The following VPS72 variants were observed in gnomAD, a reference collection of about 807,000 sequenced individuals.
VPS72 encodes the protein vacuolar protein sorting 72 homolog.
In VPS72, 27 loss-of-function variants were observed where a neutral mutation model predicts 38.9. The ratio of observed to expected loss-of-function variants is 0.69; its 90% CI spans 0.51 to 0.96. The LOEUF (loss-of-function observed/expected upper bound fraction) is 0.96, where lower values mean the gene tolerates loss of function less well. VPS72 is among the 40% of genes least tolerant of loss of function. The pLI, the probability that VPS72 is intolerant of heterozygous loss-of-function variation, is 0.00. For synonymous variants in VPS72, 173 were observed against 186.3 expected (o/e 0.93, Z 0.58); for missense variants, 360 against 479.5 (o/e 0.75, Z 2.33).
chr1:151,183,720 C>T (rs1055578714), intron 4 of VPS72, among the ~76,000 whole-genome samples: 2 of 152,054 alleles, frequency 1.3e-5, no homozygotes, highest in Non-Finnish European at 2.9e-5. Flanking sequence ...CCTTGGCCTC[C>T]CAAAGTGCCG....
chr1:151,183,753 C>T (rs1003913305), intron 4 of VPS72, among the ~76,000 whole-genome samples: 1 of 152,048 alleles, frequency 6.6e-6, no homozygotes, highest in Non-Finnish European at 1.5e-5. Flanking sequence ...TGAGCCACTG[C>T]GCTTGGCCCA....
intron 1 of VPS72, among the ~76,000 whole-genome samples, chr1:151,189,399 C>A (rs143531012): frequency 0.013 from 2,018 of 152,316 alleles, 21 homozygotes; most frequent in Non-Finnish European, 0.019. Flanking sequence ...TAACTTTATA[C>A]AGTTTACAAT....
intron 4 of VPS72, among the ~76,000 whole-genome samples, chr1:151,180,459 G>A (rs1684214412): frequency 6.6e-6 from 1 of 151,366 alleles, no homozygotes; most frequent in Admixed American, 6.6e-5. Flanking sequence ...TCTTTTTTGA[G>A]ACAGAGTCTT....
At chr1:151,188,900 G>C (rs148734838) in intron 1 of VPS72, among the ~76,000 whole-genome samples, 11 of 151,922 alleles carry the variant, frequency 7.2e-5, no homozygotes, top group African/African-American at 2.7e-4. Context: ...GTACGATCTC[G>C]GCTCACTGCA....
rs771588417 is a variant in VPS72, at chr1:151,190,156, C to CCT, written c.-37_-36dup. The CCT allele has an allele frequency of 3.4e-5, 55 of 1,608,130 alleles. No individual in the cohort carries two copies. In the South Asian group the frequency reaches 3.8e-4, roughly 11 times the overall value. On this transcript the variant is annotated 5_prime_UTR_variant, in exon 1 of 6. Transcript: ENST00000368892. The stretch of plus-strand genomic sequence containing the variant: ...CGAGACTGCGCCGCCACCTGCAGCC[C>CCT]CTCACCAGCTCGGTTTTGGGAGCTC...
At chr1:151,186,986 AAT>A (rs1422351909) in intron 1 of VPS72, among the ~76,000 whole-genome samples, 1 of 152,224 alleles carries the variant, frequency 6.6e-6, no homozygotes, top group Non-Finnish European at 1.5e-5. Flanking sequence ...TACTGAGAGA[AAT>A]ATGTGTCATT....
intron 4 of VPS72, 64 bp downstream of exon 4, chr1:151,184,253 G>T: frequency 6.4e-7 from 1 of 1,572,048 alleles, no homozygotes; most frequent in Non-Finnish European, 8.7e-7. Flanking sequence ...GGTCCTCCAG[G>T]TCTCATGGTT....
intron 2 of VPS72, 63 bp from the exon 3 acceptor site, chr1:151,185,683 C>A (rs1466566728): frequency 1.6e-5 from 26 of 1,608,806 alleles, no homozygotes; most frequent in Middle Eastern, 1.6e-4. Context: ...ATGAGGATCT[C>A]AATGAGAGAA....
intron 4 of VPS72, among the ~76,000 whole-genome samples, chr1:151,183,421 CAAAAAAAA>C (rs769884773): frequency 2.0e-5 from 1 of 50,860 alleles, no homozygotes; most frequent in Non-Finnish European, 3.4e-5. Flanking sequence ...GACTCTGTCT[CAAAAAAAA>C]AAAAAAAAAA....
chr1:151,184,119 A>G (rs587765329), intron 4 of VPS72, among the ~76,000 whole-genome samples, 198 bp downstream of exon 4: 1 of 152,286 alleles, frequency 6.6e-6, no homozygotes, highest in South Asian at 2.1e-4. Context: ...ATTTTACACC[A>G]AAGTACCTTA....
chr1:151,179,837 G>A (rs1221867289), intron 4 of VPS72, among the ~76,000 whole-genome samples: 7 of 152,066 alleles, frequency 4.6e-5, no homozygotes, highest in Non-Finnish European at 8.8e-5. Flanking sequence ...GTTGCGGTGC[G>A]CCAAGATCAT....
intron 4 of VPS72, among the ~76,000 whole-genome samples, chr1:151,181,308 A>C (rs1572092478): frequency 1.4e-5 from 2 of 140,528 alleles, no homozygotes; most frequent in Non-Finnish European, 1.5e-5. Context: ...CACGATCTCC[A>C]CTCACTGCAA....
chr1:151,176,590 C>G lies in VPS72; in HGVS notation c.*54G>C, dbSNP rs955523814. The G allele has an allele frequency of 2.5e-6, 4 of 1,574,802 alleles. No individual in the cohort carries two copies. The highest frequency in any genetic ancestry group is 1.4e-5 in the African/African-American group (1 of 73,688). On this transcript the variant is annotated 3_prime_UTR_variant, in exon 6 of 6. Transcript: ENST00000368892. ...GGAGAAGCAGGGAGAAGAAACGGAACAGCAAGAGCCCCAATCAGGGCAGGA... is the reference window on the plus strand; with the variant it reads ...GGAGAAGCAGGGAGAAGAAACGGAAGAGCAAGAGCCCCAATCAGGGCAGGA...
At chr1:151,186,039 G>A (rs1191640754) in intron 1 of VPS72, 89 bp from the exon 2 acceptor site, 1 of 1,499,912 alleles carries the variant, frequency 6.7e-7, no homozygotes, top group African/African-American at 1.4e-5. Context: ...TTCTTGATAA[G>A]GGCTGCCCTA....
chr1:151,178,282 C>T, intron 4 of VPS72, 137 bp from the exon 5 acceptor site: 8 of 1,213,858 alleles, frequency 6.6e-6, no homozygotes, highest in Non-Finnish European at 8.8e-6. Flanking sequence ...TATGGAAGTC[C>T]CCTAAGGCCG....
intron 4 of VPS72, among the ~76,000 whole-genome samples, chr1:151,179,093 C>T (rs997192108): frequency 2.0e-5 from 3 of 150,276 alleles, no homozygotes; most frequent in South Asian, 2.1e-4. Flanking sequence ...ACCAGCCTGA[C>T]CAACATGGTG....
In VPS72 at chr1:151,184,498, AAG is replaced by A; in HGVS notation, c.386-7_386-6del. Reference sequence around the variant, plus strand: ...ACTGACGCATAGACTTCCGACCTGGAAGAGAGTGAGATAAGAAGAAATCTTTG... The same window carrying A: ...ACTGACGCATAGACTTCCGACCTGGAAGAGTGAGATAAGAAGAAATCTTTG... On this transcript the variant is annotated splice_region_variant and splice_polypyrimidine_tract_variant and intron_variant, in intron 3 of 5. Coordinates refer to ENST00000368892, the MANE Select transcript of VPS72 (RefSeq NM_005997.3). 1 of 1,601,788 alleles carries A rather than the reference AAG, an allele frequency of 6.2e-7. No individual in the cohort carries two copies. Among genetic ancestry groups the A allele is most frequent in the Non-Finnish European group, 8.5e-7 (1 of 1,171,738 alleles).
intron 4 of VPS72, among the ~76,000 whole-genome samples, 159 bp downstream of exon 4, chr1:151,184,158 C>G (rs1028034397): frequency 7.9e-5 from 12 of 152,154 alleles, no homozygotes; most frequent in African/African-American, 2.7e-4. Flanking sequence ...TCATAACTGC[C>G]TAGACTCTTG....
intron 4 of VPS72, among the ~76,000 whole-genome samples, chr1:151,179,799 G>A (rs746079139): frequency 3.9e-5 from 6 of 152,010 alleles, no homozygotes; most frequent in Non-Finnish European, 7.4e-5. Context: ...GCTGAGGCAG[G>A]AGAATTGCTT....
Sources: allele counts gnomAD v4.1 joint callset (sites outside exome capture counted in the v4.1 genomes callset), GRCh38; gene constraint gnomAD v4.1.1; transcripts MANE v1.5; gene names NCBI Gene and HGNC (gene_info 2026-07-23, HGNC 2026-07-21).